PDLIM7: variants seen among roughly 807,000 people sequenced by gnomAD.
PDLIM7 encodes the protein PDZ and LIM domain 7.
Under a neutral mutation model 53.9 loss-of-function variants are expected in PDLIM7, and 37 were observed. The ratio of observed to expected loss-of-function variants is 0.69; its 90% CI spans 0.53 to 0.90. The LOEUF (loss-of-function observed/expected upper bound fraction) is 0.90, where lower values mean the gene tolerates loss of function less well. PDLIM7 is among the 40% of genes least tolerant of loss of function. The pLI is 0.00. For synonymous variants in PDLIM7, 300 were observed against 261.3 expected, an observed-to-expected ratio of 1.15 and a Z score of -1.43; for missense variants, 617 against 638.5, an observed-to-expected ratio of 0.97 and a Z score of 0.36.
intron 10 of PDLIM7, among the ~76,000 whole-genome samples, chr5:177,485,287 GAAGGGGCAGAGGCAC>G (rs1368816211): frequency 6.6e-6 from 1 of 152,228 alleles, no homozygotes; most frequent in Non-Finnish European, 1.5e-5. Context: ...CAGGAGGTGG[GAAGGGGCAGAGGCAC>G]AAGGGGCTGA....
intron 2 of PDLIM7, 31 bp downstream of exon 2, chr5:177,496,386 G>T: frequency 6.7e-7 from 1 of 1,494,246 alleles, no homozygotes; most frequent in East Asian, 2.5e-5. Flanking sequence ...AAAGACCGCT[G>T]GGGGAGCCCC....
intron 10 of PDLIM7, among the ~76,000 whole-genome samples, chr5:177,485,848 T>C (rs557960695): frequency 1.8e-4 from 27 of 152,166 alleles, no homozygotes; most frequent in Non-Finnish European, 3.2e-4. Context: ...CTGCTGAGCA[T>C]GCTGGTGGGC....
Position 177,493,169 on chromosome 5 carries a change from G to T in PDLIM7, c.97-492C>A, listed in dbSNP as rs562312851. ...CCCGAAACCACCGGGGGCTCTTATGGACCTCTCACCCCCCAGCACCCTGTC... is the reference window on the plus strand; with the variant it reads ...CCCGAAACCACCGGGGGCTCTTATGTACCTCTCACCCCCCAGCACCCTGTC... On this transcript the variant is annotated intron_variant, in intron 2 of 12. Transcript: ENST00000355841. Among the ~76,000 whole-genome samples, 47 of 152,276 alleles carry T rather than the reference G, an allele frequency of 3.1e-4. No homozygotes were observed. In the South Asian group the frequency reaches 4.1e-3, roughly 13 times the overall value.
chr5:177,492,703 G>C (rs370432310), intron 2 of PDLIM7, 26 bp from the exon 3 acceptor site: 1 of 1,594,408 alleles, frequency 6.3e-7, no homozygotes, highest in Non-Finnish European at 8.5e-7. Context: ...CAAAGTGACC[G>C]AGGCCCTGGA....
intron 7 of PDLIM7, 176 bp downstream of exon 7, chr5:177,490,694 G>C: frequency 1.1e-6 from 1 of 935,814 alleles, no homozygotes. Context: ...AGAAATGAAA[G>C]AAGGAAGGAA....
In PDLIM7 at chr5:177,489,807, C is replaced by T; in HGVS notation, c.598G>A (p.Ala200Thr). 6.3e-7 allele frequency: 1 copy of T among 1,581,890 alleles called. No individual in the cohort carries two copies. Among genetic ancestry groups the T allele is most frequent in the Middle Eastern group, 1.7e-4 (1 of 6,002 alleles). The stretch of plus-strand genomic sequence containing the variant: ...TCCTGGGGTGTAGATGAGGCTGGGG[C>T]TGGGGCTTCTGTCCTGGGCACCTGG... ...SSQVPRTEAPAPASSTPQEPW... is the reference protein window; with the variant it reads ...SSQVPRTEAPTPASSTPQEPW... Residue 200 changes from alanine to threonine, a missense_variant, in exon 8 of 13, where the codon GCC becomes ACC. Ala to Thr is a moderately conservative substitution (Grantham distance 58, BLOSUM62 0). Transcript: ENST00000355841.
chr5:177,496,912 A>T (rs1759104314), intron 1 of PDLIM7: 3 of 158,184 alleles, frequency 1.9e-5, no homozygotes, highest in South Asian at 3.2e-4. Context: ...CCCGGCAGGC[A>T]GGCCGCGGCT....
At chr5:177,486,484 C>G (rs958690412) in intron 10 of PDLIM7, among the ~76,000 whole-genome samples, 2 of 152,190 alleles carry the variant, frequency 1.3e-5, no homozygotes, top group African/African-American at 2.4e-5. Flanking sequence ...CTGCCCATGT[C>G]TGGCTGGCTC....
At chr5:177,492,803 A>G in intron 2 of PDLIM7, 126 bp from the exon 3 acceptor site, 1 of 1,070,798 alleles carries the variant, frequency 9.3e-7, no homozygotes, top group Non-Finnish European at 1.4e-6. Flanking sequence ...TTCATTCAAC[A>G]TAGTTCTAGG....
rs1023490862 is a variant in PDLIM7, at chr5:177,491,677, G to A, written c.398+130C>T. Reference sequence around the variant, plus strand: ...GCCCTGTGCCTGCAGCCCCACCCCGGCCGCCAGGGGGCGCTGCCGCACGGT... The same window carrying A: ...GCCCTGTGCCTGCAGCCCCACCCCGACCGCCAGGGGGCGCTGCCGCACGGT... On this transcript the variant is annotated intron_variant, in intron 5 of 12. Coordinates refer to ENST00000355841, the MANE Select transcript of PDLIM7 (RefSeq NM_005451.5). 5 of 638,570 alleles carry A rather than the reference G, an allele frequency of 7.8e-6. 1 individual carries two copies. In the South Asian group the frequency reaches 8.9e-5, roughly 11 times the overall value. 39.6% of individuals were successfully genotyped at this position (638,570 alleles called of 1,614,324 possible). A position where few individuals can be genotyped will look rare whatever the true frequency, so the allele number is the denominator to read the frequency against.
At chr5:177,489,181 G>A (rs933971214) in intron 9 of PDLIM7, among the ~76,000 whole-genome samples, 5 of 152,242 alleles carry the variant, frequency 3.3e-5, no homozygotes, top group Non-Finnish European at 7.3e-5. Context: ...ATTTCGCCAC[G>A]GCAGATGCTG....
Position 177,483,855 on chromosome 5 carries a change from C to T in PDLIM7, c.1287+12G>A, listed in dbSNP as rs372211967. 356 of 1,610,112 alleles carry T rather than the reference C, an allele frequency of 2.2e-4. No homozygotes were observed. The highest frequency in any genetic ancestry group is 2.8e-4 in the Non-Finnish European group (333 of 1,177,518). On this transcript the variant is annotated intron_variant, in intron 12 of 12. Coordinates refer to ENST00000355841, the MANE Select transcript of PDLIM7 (RefSeq NM_005451.5). ...TGGGCTTGGGGCTCAGTTCGAGGGG[C>T]GGGGCTCTCACCGCACAGACGAAGC...
At chr5:177,488,579 T>G (rs1335630396) in intron 9 of PDLIM7, among the ~76,000 whole-genome samples, 1 of 152,174 alleles carries the variant, frequency 6.6e-6, no homozygotes, top group Non-Finnish European at 1.5e-5. Flanking sequence ...GGCCTGCCTG[T>G]TCTACCTGGC....
intron 10 of PDLIM7, chr5:177,484,585 C>T (rs1274095149): frequency 9.1e-6 from 2 of 219,460 alleles, no homozygotes; most frequent in Admixed American, 5.2e-5. Context: ...TTCTCACAGC[C>T]TCCCTGAAGT....
intron 10 of PDLIM7, among the ~76,000 whole-genome samples, chr5:177,486,949 T>C (rs1434247493): frequency 1.9e-5 from 2 of 103,904 alleles, no homozygotes; most frequent in Non-Finnish European, 3.8e-5. Context: ...TTTTTTTTTT[T>C]TTTTTTTTTT....
chr5:177,488,020 C>A, intron 10 of PDLIM7, 48 bp downstream of exon 10: 1 of 1,531,008 alleles, frequency 6.5e-7, no homozygotes, highest in South Asian at 1.2e-5. Context: ...AGCCCTCGTT[C>A]CCACTGACAG....
At chr5:177,484,233 T>G in intron 10 of PDLIM7, 43 bp from the exon 11 acceptor site, 2 of 1,604,844 alleles carry the variant, frequency 1.2e-6, no homozygotes, top group Non-Finnish European at 1.7e-6. Flanking sequence ...AGGCCCCTCC[T>G]GCCCTGCCCT....
In PDLIM7 at chr5:177,483,629, G is replaced by A; in HGVS notation, c.*15C>T. On this transcript the variant is annotated 3_prime_UTR_variant, in exon 13 of 13. Transcript: ENST00000355841. The stretch of plus-strand genomic sequence containing the variant: ...CAGGCTAGGGGCCACCGCGGCAGCT[G>A]TGGGCAGAAGGGGCTCACACATGAG... The A allele has an allele frequency of 6.3e-7, 1 of 1,588,712 alleles. No homozygotes were observed.
intron 7 of PDLIM7, chr5:177,490,602 C>T (rs932413821): frequency 1.0e-5 from 16 of 1,537,690 alleles, no homozygotes; most frequent in East Asian, 2.5e-5. Flanking sequence ...CCCTGAGGGG[C>T]AGAGAGAGAG....
Sources: gnomAD v4.1 joint callset for allele counts (sites outside exome capture counted in the v4.1 genomes callset) on GRCh38, gnomAD v4.1.1 for gene constraint, MANE v1.5 for transcripts, NCBI Gene and HGNC (gene_info 2026-07-23, HGNC 2026-07-21) for gene names.